Variants in RAPGEF2 observed in about 807,000 individuals in gnomAD.
RAPGEF2 encodes PDZ domain containing guanine nucleotide exchange factor (GEF) 1.
RAPGEF2 carries 54 observed loss-of-function variants against 186.7 expected under a neutral mutation model. The observed-to-expected ratio is 0.29, with a 90% CI of 0.23 to 0.36. The LOEUF is 0.36. Among genes scored for constraint, RAPGEF2 ranks in the 10% least tolerant of loss-of-function variants. The probability of loss-of-function intolerance (pLI) is 1.00; values close to 1 mark genes in which losing one functional copy is unlikely to be tolerated. For missense variants in RAPGEF2, 1,532 were observed against 2,045.0 expected (o/e 0.75, Z 4.84); for synonymous variants, 712 against 705.9 (o/e 1.01, Z -0.14).
intron 1 of RAPGEF2, among the ~76,000 whole-genome samples, chr4:159,120,322 A>G (rs971360410): frequency 2.4e-5 from 3 of 127,338 alleles, no homozygotes; most frequent in African/African-American, 9.4e-5. Flanking sequence ...ACCCAGCCAA[A>G]TCATCACTTC....
chr4:159,249,283 CTCTTT>C (rs1239829437), intron 7 of RAPGEF2, among the ~76,000 whole-genome samples: 5 of 127,762 alleles, frequency 3.9e-5, no homozygotes, highest in African/African-American at 1.6e-4. Context: ...TAAAAAAAGT[CTCTTT>C]TTTTTTTTTT....
At position 159,348,667 on chromosome 4, in the gene RAPGEF2, G is replaced by A. The variant is rs535884064; in HGVS notation, c.3713-1470G>A. ...GAACTTCTCATATGGAAGATTATCA[G>A]TCTTCACTTTAGCTAAAAATGCCTA... On this transcript the variant is annotated intron_variant, in intron 25 of 29. Coordinates refer to ENST00000691494, the MANE Select transcript of RAPGEF2 (RefSeq NM_001394067.2). 4.6e-5 allele frequency among the ~76,000 whole-genome samples: 7 copies of A among 151,434 alleles called. No homozygotes were observed. In the South Asian group the frequency reaches 1.5e-3, roughly 31 times the overall value.
chr4:159,158,287 T>C (rs937528803), intron 1 of RAPGEF2, among the ~76,000 whole-genome samples: 13 of 152,190 alleles, frequency 8.5e-5, no homozygotes, highest in Non-Finnish European at 1.0e-4. Flanking sequence ...GTTCTCCTTA[T>C]GTGGGAAAGC....
At chr4:159,139,287 T>C (rs1319994766) in intron 1 of RAPGEF2, among the ~76,000 whole-genome samples, 1 of 152,130 alleles carries the variant, frequency 6.6e-6, no homozygotes, top group Non-Finnish European at 1.5e-5. Flanking sequence ...TGGAAAAGGG[T>C]GAAAGAAACT....
Position 159,166,593 on chromosome 4 carries a change from A to T in RAPGEF2, c.70-20049A>T, listed in dbSNP as rs546421588. Among the ~76,000 whole-genome samples the T allele has an allele frequency of 2.6e-5, 4 of 152,328 alleles. No homozygotes were observed. The South Asian group carries it at 8.3e-4, about 32-fold the overall frequency. On this transcript the variant is annotated intron_variant, in intron 1 of 29. Coordinates refer to ENST00000691494, the MANE Select transcript of RAPGEF2 (RefSeq NM_001394067.2). ...GAGCTTTCTGCCACTTGAGTTCCAG[A>T]ATTCCAGAATCCAGTTTCCTAGGGA...
chr4:159,114,839 AG>A (rs891400012), intron 1 of RAPGEF2, among the ~76,000 whole-genome samples: 6 of 152,014 alleles, frequency 3.9e-5, no homozygotes, highest in Admixed American at 1.3e-4. Context: ...GGTAGGAGTG[AG>A]GGGGTGGAAG....
intron 7 of RAPGEF2, among the ~76,000 whole-genome samples, chr4:159,248,368 T>G (rs1324025874): frequency 2.6e-5 from 4 of 152,194 alleles, no homozygotes; most frequent in Non-Finnish European, 5.9e-5. Context: ...TAAAATTTAT[T>G]GTTTGGATGC....
chr4:159,111,647 T>G (rs762019124), intron 1 of RAPGEF2, among the ~76,000 whole-genome samples: 1 of 152,238 alleles, frequency 6.6e-6, no homozygotes, highest in African/African-American at 2.4e-5. Flanking sequence ...CTGAGAGGTT[T>G]ATGGTACTAT....
At chr4:159,169,401 T>A (rs555982073) in intron 1 of RAPGEF2, among the ~76,000 whole-genome samples, 1 of 152,368 alleles carries the variant, frequency 6.6e-6, no homozygotes, top group East Asian at 1.9e-4. Flanking sequence ...ATAGCCAAAT[T>A]GAGCCAATTA....
chr4:159,324,047 C>T (rs555534280), intron 11 of RAPGEF2, among the ~76,000 whole-genome samples: 1 of 152,102 alleles, frequency 6.6e-6, no homozygotes, highest in African/African-American at 2.4e-5. Flanking sequence ...CAGGCGTGCA[C>T]CACCATGCCC....
intron 7 of RAPGEF2, among the ~76,000 whole-genome samples, chr4:159,286,515 C>T (rs1163547538): frequency 6.6e-6 from 1 of 152,146 alleles, no homozygotes. Context: ...GATTTTAAAA[C>T]TCCTCAGTAG....
At chr4:159,166,492 T>C (rs1745333949) in intron 1 of RAPGEF2, among the ~76,000 whole-genome samples, 1 of 152,210 alleles carries the variant, frequency 6.6e-6, no homozygotes, top group Non-Finnish European at 1.5e-5. Context: ...TTACCTCTGC[T>C]GTGGGATTTT....
chr4:159,339,278 C>T lies in RAPGEF2; in HGVS notation c.2458C>T (p.Pro820Ser). Residue 820 changes from proline (P) to serine (S), a missense_variant, in exon 19 of 30, where the codon CCT becomes TCT. Pro to Ser is a moderately conservative substitution (Grantham distance 74, BLOSUM62 -1). Around this residue, in one of 4 missense-constraint regions of RAPGEF2, gnomAD observed 810 missense variants for 1,210.5 expected, o/e 0.67. Coordinates refer to ENST00000691494, the MANE Select transcript of RAPGEF2 (RefSeq NM_001394067.2). ...QYSLCEVSVTPEGVIKQRRLP... is the reference protein window; with the variant it reads ...QYSLCEVSVTSEGVIKQRRLP... Reference sequence around the variant, plus strand: ...TTCACTATGTGAGGTCTCTGTCACACCTGAGGGAGTAATCAAACAAAGAAG... The same window carrying T: ...TTCACTATGTGAGGTCTCTGTCACATCTGAGGGAGTAATCAAACAAAGAAG... The T allele has an allele frequency of 6.2e-7, 1 of 1,614,086 alleles. No individual in the cohort carries two copies.
chr4:159,326,751 C>G (rs1423255638), intron 11 of RAPGEF2: 1 of 152,290 alleles, frequency 6.6e-6, no homozygotes, highest in East Asian at 1.9e-4. Flanking sequence ...GTACCTCTTT[C>G]TTTTCTTTTT....
At chr4:159,223,296 C>T (rs79624669) in intron 4 of RAPGEF2, among the ~76,000 whole-genome samples, 5 of 151,904 alleles carry the variant, frequency 3.3e-5, no homozygotes, top group African/African-American at 7.3e-5. Context: ...GAGAGCTACA[C>T]GAACATTAAA....
At chr4:159,130,398 C>G (rs974490295) in intron 1 of RAPGEF2, among the ~76,000 whole-genome samples, 1 of 152,176 alleles carries the variant, frequency 6.6e-6, no homozygotes, top group Non-Finnish European at 1.5e-5. Context: ...GGGTCTTGCC[C>G]TGTCACCTAG....
At position 159,167,837 on chromosome 4, in the gene RAPGEF2, A is replaced by G. The variant is rs548331164; in HGVS notation, c.70-18805A>G. Among the ~76,000 whole-genome samples, 19 of 152,222 alleles carry G rather than the reference A, an allele frequency of 1.2e-4. No individual in the cohort carries two copies. The East Asian group carries it at 3.3e-3, about 26-fold the overall frequency. ...AAGATCAGATTCCCAAAAGTTATACAATAACTGGATAGTTGAGAAAATGGA... is the reference window on the plus strand; with the variant it reads ...AAGATCAGATTCCCAAAAGTTATACGATAACTGGATAGTTGAGAAAATGGA... On this transcript the variant is annotated intron_variant, in intron 1 of 29. Transcript: ENST00000691494.
rs1233701169 is a variant in RAPGEF2, at chr4:159,103,708, G to A, written c.-455G>A. On this transcript the variant is annotated 5_prime_UTR_variant, in exon 1 of 30. Transcript: ENST00000691494. ...AGGGGGCGACCCTCAGCGCCGTGGG[G>A]GAGGAGGCTCCGCCTGCCCACAGCC... 4.6e-5 allele frequency: 7 copies of A among 152,628 alleles called. No individual in the cohort carries two copies. Among genetic ancestry groups the A allele is most frequent in the African/African-American group, 1.4e-4 (6 of 41,458 alleles). The allele number at this position is 152,628 out of a possible 1,614,324, so 9.5% of individuals were successfully genotyped here. A position where few individuals can be genotyped will look rare whatever the true frequency, so the allele number is the denominator to read the frequency against.
chr4:159,196,612 TG>T (rs767166222), intron 3 of RAPGEF2, among the ~76,000 whole-genome samples: 1 of 152,264 alleles, frequency 6.6e-6, no homozygotes, highest in Non-Finnish European at 1.5e-5. Flanking sequence ...CCGTCAGGGT[TG>T]GCATGAGGAT....
Sources: gnomAD v4.1 joint callset for allele counts (sites outside exome capture counted in the v4.1 genomes callset) on GRCh38, gnomAD v4.1.1 for gene constraint, gnomAD v4.1.1 regional missense constraint, MANE v1.5 for transcripts, NCBI Gene and HGNC (gene_info 2026-07-23, HGNC 2026-07-21) for gene names.